ADCY1: variants seen among roughly 807,000 people sequenced by gnomAD.
ADCY1 encodes the protein adenylate cyclase 1.
ADCY1 carries 28 observed loss-of-function variants against 105.4 expected under a neutral mutation model. That is an observed-to-expected ratio of 0.27 (90% CI 0.20 to 0.36). The LOEUF (loss-of-function observed/expected upper bound fraction) is 0.36, where lower values mean the gene tolerates loss of function less well. Among genes scored for constraint, ADCY1 ranks in the 10% least tolerant of loss-of-function variants. The pLI is 1.00. For missense variants in ADCY1, 977 were observed against 1,434.2 expected (o/e 0.68, Z 5.15); for synonymous variants, 655 against 623.8 (o/e 1.05, Z -0.75).
At chr7:45,637,671 A>G (rs1794427631) in intron 4 of ADCY1, among the ~76,000 whole-genome samples, 2 of 152,186 alleles carry the variant, frequency 1.3e-5, no homozygotes, top group Admixed American at 6.5e-5. Flanking sequence ...ACTGCAGCGA[A>G]CTATGATCAC....
intron 7 of ADCY1, 144 bp downstream of exon 7, chr7:45,660,327 C>G (rs929226904): frequency 3.4e-6 from 4 of 1,169,688 alleles, no homozygotes; most frequent in South Asian, 1.5e-5. Flanking sequence ...GTTGTCCCCA[C>G]TGACACCGTC....
chr7:45,584,532 C>T (rs1376443726), intron 1 of ADCY1, among the ~76,000 whole-genome samples: 2 of 152,250 alleles, frequency 1.3e-5, no homozygotes, highest in East Asian at 3.8e-4. Context: ...GGTTCTCTGG[C>T]TGGCTCTTGC....
In ADCY1 at chr7:45,698,655, G is replaced by T. The variant is rs563040935; in HGVS notation, c.2455-4721G>T. Among the ~76,000 whole-genome samples the T allele has an allele frequency of 7.2e-4, 109 of 152,310 alleles. 1 individual carries two copies. The highest frequency in any genetic ancestry group is 2.3e-3 in the African/African-American group (97 of 41,572). The stretch of plus-strand genomic sequence containing the variant: ...AGAACACCTGCACCACACTCAGCCT[G>T]CCCCATGCTGTAAACAGTGCTTGTA... On this transcript the variant is annotated intron_variant, in intron 14 of 19. Coordinates refer to ENST00000297323, the MANE Select transcript of ADCY1 (RefSeq NM_021116.4).
At chr7:45,625,582 G>A (rs536543813) in intron 4 of ADCY1, among the ~76,000 whole-genome samples, 2 of 152,208 alleles carry the variant, frequency 1.3e-5, no homozygotes, top group African/African-American at 4.8e-5. Flanking sequence ...TGTGTTATGT[G>A]TGTAGATGTG....
At position 45,686,713 on chromosome 7, in the gene ADCY1, T is replaced by A. The variant is rs768973744; in HGVS notation, c.2454+40T>A. ...TTCTGCTTTCTGGGGGTGGGGGATT[T>A]AGAGGAGGAAGAAGTCTTCAGCAAG... On this transcript the variant is annotated intron_variant, in intron 14 of 19. Coordinates refer to ENST00000297323, the MANE Select transcript of ADCY1 (RefSeq NM_021116.4). This position sits in a 1 kb window ranked among gnomAD's most constrained non-coding sequence, Gnocchi z 4.3. 4.5e-6 allele frequency: 7 copies of A among 1,571,064 alleles called. No homozygotes were observed. The highest frequency in any genetic ancestry group is 6.1e-6 in the Non-Finnish European group (7 of 1,154,446).
chr7:45,662,406 C>T (rs1180352407), intron 8 of ADCY1, among the ~76,000 whole-genome samples, 192 bp downstream of exon 8: 8 of 152,204 alleles, frequency 5.3e-5, no homozygotes, highest in Admixed American at 5.2e-4. Flanking sequence ...TACTTTTTTA[C>T]TCCTTGGCAT....
At chr7:45,645,055 G>A (rs531568353) in intron 4 of ADCY1, among the ~76,000 whole-genome samples, 14 of 152,180 alleles carry the variant, frequency 9.2e-5, no homozygotes, top group African/African-American at 3.4e-4. Flanking sequence ...GAGTTGCCCA[G>A]GTTCTAGGAG....
At position 45,595,745 on chromosome 7, in the gene ADCY1, C is replaced by G. The variant is rs575214766; in HGVS notation, c.789+2837C>G. On this transcript the variant is annotated intron_variant, in intron 2 of 19. Coordinates refer to ENST00000297323, the MANE Select transcript of ADCY1 (RefSeq NM_021116.4). The stretch of plus-strand genomic sequence containing the variant: ...CATGATTTCCTCTGTTGCTTCATAG[C>G]TGAGCTGATGTTTTGACACATGAGC... Among the ~76,000 whole-genome samples the G allele has an allele frequency of 2.0e-5, 3 of 152,326 alleles. No individual in the cohort carries two copies. The South Asian group carries it at 6.2e-4, about 32-fold the overall frequency.
Position 45,710,481 on chromosome 7 carries a change from T to G in ADCY1, c.2933-47T>G, listed in dbSNP as rs1395415523. 6 of 1,595,378 alleles carry G rather than the reference T, an allele frequency of 3.8e-6. No homozygotes were observed. Among genetic ancestry groups the G allele is most frequent in the Non-Finnish European group, 5.1e-6 (6 of 1,169,746 alleles). On this transcript the variant is annotated intron_variant, in intron 18 of 19. Coordinates refer to ENST00000297323, the MANE Select transcript of ADCY1 (RefSeq NM_021116.4). This position sits in a 1 kb window ranked among gnomAD's most constrained non-coding sequence, Gnocchi z 4.7. ...CATTTGGTGGCCCTGGTGGGGTGAG[T>G]TACACTTTTCCCGCTGATGACAGGT... is the stretch of plus-strand genomic sequence containing the variant.
Position 45,629,551 on chromosome 7 carries a change from G to A in ADCY1, c.1020+6808G>A, listed in dbSNP as rs1036632706. Among the ~76,000 whole-genome samples the A allele has an allele frequency of 2.0e-4, 28 of 142,110 alleles. No homozygotes were observed. In the South Asian group the frequency reaches 3.9e-3, roughly 20 times the overall value. The allele number at this position is 142,110 out of a possible 152,430, so 93.2% of individuals were successfully genotyped here. ...TTTTGAGACGGAGTCTCGCTCTGTC[G>A]CCCAGGCCGGACTGCGGACTGCAGT... On this transcript the variant is annotated intron_variant, in intron 4 of 19. Coordinates refer to ENST00000297323, the MANE Select transcript of ADCY1 (RefSeq NM_021116.4).
rs574479281 is a variant in ADCY1, at chr7:45,683,537, A to G, written c.1984-1442A>G. On this transcript the variant is annotated intron_variant, in intron 11 of 19. Transcript: ENST00000297323. ...GGGAGCTCCCCATGAGGCCATAGGT[A>G]CAGGCTGGGAGAGAGAAGGCAGGGT... 2.0e-3 allele frequency among the ~76,000 whole-genome samples: 307 copies of G among 152,288 alleles called. 1 individual carries two copies. The highest frequency in any genetic ancestry group is 7.2e-3 in the African/African-American group (301 of 41,572).
chr7:45,648,885 G>T, intron 5 of ADCY1, 88 bp downstream of exon 5: 1 of 1,530,628 alleles, frequency 6.5e-7, no homozygotes, highest in South Asian at 1.2e-5. Context: ...CCCCATGTGG[G>T]CTCCCCTCTC....
At chr7:45,663,218 A>G (rs1247451122) in intron 8 of ADCY1, among the ~76,000 whole-genome samples, 1 of 152,224 alleles carries the variant, frequency 6.6e-6, no homozygotes, top group African/African-American at 2.4e-5. Context: ...CTCCAGACTC[A>G]GCCCAGGCCT....
chr7:45,700,906 T>G (rs1784984199), intron 14 of ADCY1, among the ~76,000 whole-genome samples: 1 of 152,240 alleles, frequency 6.6e-6, no homozygotes, highest in African/African-American at 2.4e-5. Context: ...GTTATGCTGT[T>G]TGTTATTTTG....
At chr7:45,664,581 A>G (rs1316140621) in intron 8 of ADCY1, 5 of 1,168,598 alleles carry the variant, frequency 4.3e-6, no homozygotes, top group African/African-American at 1.5e-5. Flanking sequence ...GAATCCTACC[A>G]TCTCACAAAA....
chr7:45,629,165 A>G (rs1794154932), intron 4 of ADCY1, among the ~76,000 whole-genome samples: 1 of 152,222 alleles, frequency 6.6e-6, no homozygotes, highest in African/African-American at 2.4e-5. Flanking sequence ...ACTACAAATA[A>G]GTTGGAATTT....
intron 7 of ADCY1, 142 bp downstream of exon 7, chr7:45,660,325 C>T: frequency 8.3e-7 from 1 of 1,207,378 alleles, no homozygotes; most frequent in Admixed American, 2.2e-5. Flanking sequence ...GAGTTGTCCC[C>T]ACTGACACCG....
chr7:45,574,165 T>C (rs1057225733), upstream of ADCY1: 8 of 983,160 alleles, frequency 8.1e-6, no homozygotes, highest in African/African-American at 1.0e-4. The surrounding 1 kb of genome is among the most constrained non-coding windows in gnomAD (Gnocchi z 7.0). Flanking sequence ...GTGGGGAAAC[T>C]GAGGCTCGGA....
rs115787895 is a variant in ADCY1, at chr7:45,577,834, C to T, written c.639+2652C>T. On this transcript the variant is annotated intron_variant, in intron 1 of 19. Coordinates refer to ENST00000297323, the MANE Select transcript of ADCY1 (RefSeq NM_021116.4). ...GTTAACTCCATGGGGCAAAGGAGCT[C>T]CCTCCCTTGAATCCCACCCCTTTCT... 2.2e-3 allele frequency among the ~76,000 whole-genome samples: 330 copies of T among 152,340 alleles called. 1 individual carries two copies. Among genetic ancestry groups the T allele is most frequent in the African/African-American group, 7.6e-3 (315 of 41,580 alleles).
Sources: gnomAD v4.1 joint callset for allele counts (sites outside exome capture counted in the v4.1 genomes callset) on GRCh38, gnomAD v4.1.1 for gene constraint, Gnocchi (gnomAD v3.1) non-coding constraint, MANE v1.5 for transcripts, NCBI Gene and HGNC (gene_info 2026-07-23, HGNC 2026-07-21) for gene names.